Variants in MMP16 observed in about 807,000 individuals in gnomAD.
MMP16 encodes matrix metallopeptidase 16.
In MMP16, 12 loss-of-function variants were observed where a neutral mutation model predicts 67.8. That is an observed-to-expected ratio of 0.18 (90% CI 0.11 to 0.29). MMP16 has a LOEUF of 0.29. Among genes scored for constraint, MMP16 ranks in the 10% least tolerant of loss-of-function variants. The probability of loss-of-function intolerance (pLI) is 1.00; values close to 1 mark genes in which losing one functional copy is unlikely to be tolerated. For missense variants in MMP16, 475 were observed against 765.7 expected (o/e 0.62, Z 4.48); for synonymous variants, 249 against 255.9 (o/e 0.97, Z 0.26).
intron 7 of MMP16, among the ~76,000 whole-genome samples, chr8:88,061,363 C>T (rs1808398451): frequency 6.6e-6 from 1 of 152,036 alleles, no homozygotes; most frequent in South Asian, 2.1e-4. Flanking sequence ...TTATTGCACC[C>T]TTTCCTTTCA....
At chr8:88,299,902 A>G (rs1477289856) in intron 1 of MMP16, among the ~76,000 whole-genome samples, 1 of 152,240 alleles carries the variant, frequency 6.6e-6, no homozygotes, top group Non-Finnish European at 1.5e-5. Context: ...TTTCCAGATT[A>G]TATAAACAGC....
At chr8:88,246,168 T>C (rs17723163) in intron 1 of MMP16, among the ~76,000 whole-genome samples, 6,612 of 151,392 alleles carry the variant, frequency 0.044, 175 homozygotes, top group South Asian at 0.061. Context: ...AAAGATGACA[T>C]AGCTTCACTG....
At chr8:88,142,617 AAG>A (rs1312797220) in intron 4 of MMP16, among the ~76,000 whole-genome samples, 2 of 152,170 alleles carry the variant, frequency 1.3e-5, no homozygotes, top group Non-Finnish European at 1.5e-5. Context: ...ATTACAGTGA[AAG>A]ATTTACTAGA....
intron 6 of MMP16, among the ~76,000 whole-genome samples, chr8:88,079,502 C>T (rs1444994264): frequency 6.6e-6 from 1 of 152,098 alleles, no homozygotes; most frequent in Admixed American, 6.6e-5. Flanking sequence ...AACATATCCT[C>T]CATGGGTAAG....
intron 6 of MMP16, among the ~76,000 whole-genome samples, chr8:88,095,975 C>T (rs1020413564): frequency 3.3e-5 from 5 of 152,048 alleles, no homozygotes; most frequent in African/African-American, 1.2e-4. Flanking sequence ...TTATACCTCA[C>T]AAGATTCCTG....
At chr8:88,157,112 AG>A (rs1376512185) in intron 4 of MMP16, among the ~76,000 whole-genome samples, 1 of 152,134 alleles carries the variant, frequency 6.6e-6, no homozygotes, top group Non-Finnish European at 1.5e-5. Context: ...ACAGTTTAGT[AG>A]AATAGTTGGC....
At chr8:88,238,423 C>T (rs778637064) in intron 1 of MMP16, among the ~76,000 whole-genome samples, 2 of 151,916 alleles carry the variant, frequency 1.3e-5, no homozygotes, top group Admixed American at 1.3e-4. Flanking sequence ...TTTGGGAGGC[C>T]GAGGTGGGTG....
At chr8:88,243,460 C>A (rs1323930331) in intron 1 of MMP16, among the ~76,000 whole-genome samples, 1 of 152,130 alleles carries the variant, frequency 6.6e-6, no homozygotes, top group Non-Finnish European at 1.5e-5. Context: ...GGACAGTAGT[C>A]CCGGTCATTC....
chr8:88,291,721 T>C (rs904225021), intron 1 of MMP16, among the ~76,000 whole-genome samples: 6 of 152,218 alleles, frequency 3.9e-5, no homozygotes, highest in South Asian at 2.1e-4. Flanking sequence ...CCTAAGAATT[T>C]TGTAGAATAA....
chr8:88,090,673 C>T (rs549237999), intron 6 of MMP16, among the ~76,000 whole-genome samples: 1 of 151,846 alleles, frequency 6.6e-6, no homozygotes, highest in East Asian at 1.9e-4. Context: ...TTTAATATTA[C>T]TGATTACAAC....
chr8:88,282,965 C>A (rs995625038), intron 1 of MMP16, among the ~76,000 whole-genome samples: 1 of 152,016 alleles, frequency 6.6e-6, no homozygotes, highest in Non-Finnish European at 1.5e-5. Flanking sequence ...TACTCTATGG[C>A]TTTCTTTTTT....
intron 4 of MMP16, 34 bp from the exon 5 acceptor site, chr8:88,118,895 C>G (rs555995406): frequency 1.3e-6 from 2 of 1,591,980 alleles, no homozygotes; most frequent in African/African-American, 2.7e-5. Context: ...GTTTTTGTAA[C>G]TAATATCCAA....
intron 8 of MMP16, among the ~76,000 whole-genome samples, chr8:88,047,133 A>C (rs1291692040): frequency 6.6e-6 from 1 of 152,210 alleles, no homozygotes; most frequent in Non-Finnish European, 1.5e-5. Context: ...GACATCACCA[A>C]CCTGCATATA....
intron 1 of MMP16, among the ~76,000 whole-genome samples, chr8:88,281,046 A>C (rs934897213): frequency 1.3e-5 from 2 of 152,206 alleles, no homozygotes; most frequent in African/African-American, 4.8e-5. Flanking sequence ...ATTTCACTCC[A>C]AAGCAGGAGC....
At chr8:88,249,191 G>A (rs1810167929) in intron 1 of MMP16, among the ~76,000 whole-genome samples, 1 of 151,814 alleles carries the variant, frequency 6.6e-6, no homozygotes, top group Admixed American at 6.6e-5. Context: ...TGCCTGGTGG[G>A]GGTAGTGAGG....
At chr8:88,158,358 G>A (rs529382106) in intron 4 of MMP16, among the ~76,000 whole-genome samples, 52 of 152,022 alleles carry the variant, frequency 3.4e-4, no homozygotes, top group South Asian at 1.9e-3. Context: ...TCTAATGATC[G>A]CCATTTTAAG....
intron 1 of MMP16, among the ~76,000 whole-genome samples, chr8:88,284,198 C>T (rs886073013): frequency 3.9e-5 from 6 of 152,102 alleles, no homozygotes; most frequent in African/African-American, 1.4e-4. Context: ...ATTAATCCTC[C>T]AAATACAAAA....
intron 1 of MMP16, among the ~76,000 whole-genome samples, chr8:88,242,602 C>A (rs1486241874): frequency 6.6e-6 from 1 of 152,174 alleles, no homozygotes; most frequent in Non-Finnish European, 1.5e-5. Flanking sequence ...GTCATTGAGT[C>A]ATCCAAGTAA....
chr8:88,227,038 G>T (rs746288969), intron 1 of MMP16, among the ~76,000 whole-genome samples: 13 of 151,944 alleles, frequency 8.6e-5, no homozygotes, highest in Non-Finnish European at 1.9e-4. Flanking sequence ...AAGTGATCTA[G>T]AGAGTGAGCA....
Sources: gnomAD v4.1 joint callset for allele counts (sites outside exome capture counted in the v4.1 genomes callset) on GRCh38, gnomAD v4.1.1 for gene constraint, MANE v1.5 for transcripts, NCBI Gene and HGNC (gene_info 2026-07-23, HGNC 2026-07-21) for gene names.